Variants in STAU2 observed in about 807,000 individuals in gnomAD.
STAU2 encodes the protein staufen double-stranded RNA binding protein 2, also known as double-stranded RNA-binding protein Staufen homolog 2.
A neutral mutation model predicts 65.9 loss-of-function variants in STAU2; 20 were observed. The observed-to-expected ratio is 0.30, with a 90% CI of 0.21 to 0.44. The LOEUF (loss-of-function observed/expected upper bound fraction) is 0.44. STAU2 is among the 20% of genes least tolerant of loss of function. STAU2 has a pLI of 1.00. For missense variants in STAU2, 558 were observed against 683.9 expected (o/e 0.82, Z 2.05); for synonymous variants, 232 against 233.9 (o/e 0.99, Z 0.07).
At chr8:73,550,058 G>A (rs1807219015) in intron 13 of STAU2, 1 of 985,280 alleles carries the variant, frequency 1.0e-6, no homozygotes, top group South Asian at 4.7e-5. Flanking sequence ...TCATTTCCCG[G>A]AGATTCTGCT....
At chr8:73,451,537 G>A (rs1235593344) in intron 13 of STAU2, among the ~76,000 whole-genome samples, 1 of 151,716 alleles carries the variant, frequency 6.6e-6, no homozygotes, top group South Asian at 2.1e-4. Flanking sequence ...CTACAAATAC[G>A]GCTGAGGCAT....
At chr8:73,470,249 G>A (rs903039812) in intron 13 of STAU2, among the ~76,000 whole-genome samples, 1 of 152,192 alleles carries the variant, frequency 6.6e-6, no homozygotes, top group Non-Finnish European at 1.5e-5. Flanking sequence ...GGCTTCAGTC[G>A]TGTGGCTATC....
intron 12 of STAU2, among the ~76,000 whole-genome samples, chr8:73,577,128 G>C (rs544099184): frequency 2.7e-4 from 41 of 152,182 alleles, no homozygotes; most frequent in African/African-American, 9.4e-4. Context: ...TTCCCTAGCT[G>C]TTTAAATATA....
intron 6 of STAU2, chr8:73,670,580 T>C (rs1019195203): frequency 6.6e-6 from 1 of 152,320 alleles, no homozygotes; most frequent in South Asian, 2.1e-4. Flanking sequence ...AGAAGTCTAA[T>C]ACAGTGTGCA....
intron 13 of STAU2, among the ~76,000 whole-genome samples, chr8:73,472,920 G>T (rs576829123): frequency 9.2e-5 from 14 of 152,168 alleles, no homozygotes; most frequent in Non-Finnish European, 1.8e-4. Flanking sequence ...TGTAATTAAA[G>T]GTATTGGTGA....
chr8:73,538,188 G>A (rs957299795), intron 13 of STAU2, among the ~76,000 whole-genome samples: 3 of 152,038 alleles, frequency 2.0e-5, no homozygotes, highest in Admixed American at 6.6e-5. Flanking sequence ...GGCAAAATTT[G>A]AATAAAATCT....
chr8:73,646,938 GACACACAC>G (rs142043134), intron 6 of STAU2, among the ~76,000 whole-genome samples: 131 of 144,060 alleles, frequency 9.1e-4, no homozygotes, highest in Non-Finnish European at 1.4e-3. Flanking sequence ...CACACAGCCA[GACACACAC>G]ACACACACAC....
intron 6 of STAU2, among the ~76,000 whole-genome samples, chr8:73,640,316 T>G (rs1814859720): frequency 1.3e-5 from 2 of 151,664 alleles, no homozygotes. Context: ...GACAAATAAG[T>G]GGAACTGATT....
At chr8:73,628,476 T>C (rs1319082072) in intron 6 of STAU2, among the ~76,000 whole-genome samples, 6 of 152,194 alleles carry the variant, frequency 3.9e-5, no homozygotes, top group South Asian at 2.1e-4. Flanking sequence ...TATTGTTTCT[T>C]TGAGTTGTAA....
intron 13 of STAU2, among the ~76,000 whole-genome samples, chr8:73,457,644 G>A (rs1819139978): frequency 6.6e-6 from 1 of 152,182 alleles, no homozygotes; most frequent in African/African-American, 2.4e-5. Flanking sequence ...TTTAAGTCTG[G>A]GTTTAAATAC....
chr8:73,701,070 T>C (rs1258121870), intron 4 of STAU2, among the ~76,000 whole-genome samples: 1 of 152,096 alleles, frequency 6.6e-6, no homozygotes. Context: ...GATATCCATA[T>C]GCAGAAAAAT....
intron 4 of STAU2, among the ~76,000 whole-genome samples, chr8:73,689,270 T>C (rs1018872036): frequency 6.6e-6 from 1 of 152,184 alleles, no homozygotes; most frequent in Non-Finnish European, 1.5e-5. Context: ...AATATTATAC[T>C]ACCAAAAAAC....
intron 4 of STAU2, among the ~76,000 whole-genome samples, chr8:73,690,101 G>T (rs1232027192): frequency 6.6e-6 from 1 of 151,874 alleles, no homozygotes; most frequent in East Asian, 1.9e-4. Flanking sequence ...GGCTGAGATG[G>T]GCGGATCACA....
At chr8:73,456,920 A>G (rs1412851563) in intron 13 of STAU2, among the ~76,000 whole-genome samples, 1 of 152,200 alleles carries the variant, frequency 6.6e-6, no homozygotes, top group African/African-American at 2.4e-5. Flanking sequence ...ACATTTACCA[A>G]ATGAAACCAA....
At chr8:73,669,117 A>G (rs756940631) in intron 6 of STAU2, 26 of 701,768 alleles carry the variant, frequency 3.7e-5, no homozygotes, top group Non-Finnish European at 5.5e-5. Flanking sequence ...CCATCTATAA[A>G]TTAAAATAAA....
intron 2 of STAU2, 50 bp from the exon 3 acceptor site, chr8:73,738,399 A>G (rs1279347180): frequency 7.5e-6 from 10 of 1,333,320 alleles, no homozygotes; most frequent in African/African-American, 1.5e-5. Flanking sequence ...GATAACCTCA[A>G]TGACTGGTAT....
intron 6 of STAU2, among the ~76,000 whole-genome samples, chr8:73,628,207 G>A (rs1440928718): frequency 6.6e-6 from 1 of 151,600 alleles, no homozygotes; most frequent in Non-Finnish European, 1.5e-5. Context: ...TCAAGTAGCT[G>A]GGACCACAAG....
intron 1 of STAU2, among the ~76,000 whole-genome samples, chr8:73,742,744 G>A (rs922552194): frequency 4.0e-5 from 6 of 151,722 alleles, no homozygotes; most frequent in South Asian, 4.2e-4. Context: ...TGGGGAAGAC[G>A]TGATGCTCAT....
rs542835837 is a variant in STAU2 at position 73,426,605 on chromosome 8, C to T, written c.1531-3903G>A. On this transcript the variant is annotated intron_variant, in intron 13 of 14. Coordinates refer to ENST00000524300, the MANE Select transcript of STAU2 (RefSeq NM_001164380.2). ...CTGCTCATTTCACTTCACATTCGCC[C>T]AGTTTCATCCACATGGCCATAAATG... Among the ~76,000 whole-genome samples the T allele has an allele frequency of 2.8e-4, 42 of 152,302 alleles. 1 individual carries two copies. In the South Asian group the frequency reaches 8.3e-3, roughly 30 times the overall value.
Sources: allele counts gnomAD v4.1 joint callset (sites outside exome capture counted in the v4.1 genomes callset), GRCh38; gene constraint gnomAD v4.1.1; transcripts MANE v1.5; gene names NCBI Gene and HGNC (gene_info 2026-07-23, HGNC 2026-07-21).